Variants in RIPOR3 observed in about 807,000 individuals in gnomAD.
RIPOR3 encodes family with sequence similarity 65 member C.
A neutral mutation model predicts 114.3 loss-of-function variants in RIPOR3; 95 were observed. The observed-to-expected ratio is 0.83, with a 90% CI of 0.70 to 0.99. RIPOR3 has a LOEUF of 0.99. Ranked by LOEUF, RIPOR3 falls within the 50% of genes least tolerant of loss-of-function variation. The probability of loss-of-function intolerance (pLI) is 0.00; values close to 1 mark genes in which losing one functional copy is unlikely to be tolerated. For missense variants in RIPOR3, 1,252 were observed against 1,266.9 expected, an observed-to-expected ratio of 0.99 and a Z score of 0.18; for synonymous variants, 575 against 543.8, an observed-to-expected ratio of 1.06 and a Z score of -0.80.
chr20:50,590,377 C>T (rs1336965637), intron 19 of RIPOR3, among the ~76,000 whole-genome samples: 2 of 152,236 alleles, frequency 1.3e-5, no homozygotes, highest in Non-Finnish European at 2.9e-5. Context: ...TGGAGTCCAG[C>T]GTCTGCGGCT....
At chr20:50,657,898 C>A (rs2123440787) in intron 1 of RIPOR3, among the ~76,000 whole-genome samples, 1 of 151,858 alleles carries the variant, frequency 6.6e-6, no homozygotes, top group South Asian at 2.1e-4. Flanking sequence ...GCTAGGACTC[C>A]AGGTGCACCA....
At chr20:50,657,907 C>A (rs1258846841) in intron 1 of RIPOR3, among the ~76,000 whole-genome samples, 1 of 151,832 alleles carries the variant, frequency 6.6e-6, no homozygotes, top group Admixed American at 6.6e-5. Context: ...CCAGGTGCAC[C>A]ACCATGCCTG....
intron 1 of RIPOR3, among the ~76,000 whole-genome samples, chr20:50,638,794 C>G (rs2085089730): frequency 6.6e-6 from 1 of 152,124 alleles, no homozygotes; most frequent in Non-Finnish European, 1.5e-5. Flanking sequence ...ACCCTGGTCT[C>G]CAGCTGTAGG....
In RIPOR3 at chr20:50,640,678, G is replaced by T. The variant is rs138736388; in HGVS notation, c.4-9822C>A. 5.4e-3 allele frequency among the ~76,000 whole-genome samples: 815 copies of T among 151,424 alleles called. 3 individuals carry two copies. The highest frequency in any genetic ancestry group is 0.019 in the African/African-American group (764 of 40,996). ...CAGAGCAGCTTCCCTCTACAAAACG[G>T]TCAAAAAGGCAAAGAAAGACTTCCA... On this transcript the variant is annotated intron_variant, in intron 1 of 21. Transcript: ENST00000327979.
At chr20:50,679,784 G>T (rs1396315138) in intron 1 of RIPOR3, among the ~76,000 whole-genome samples, 1 of 131,342 alleles carries the variant, frequency 7.6e-6, no homozygotes, top group Non-Finnish European at 1.6e-5. Flanking sequence ...AAAAAAAACC[G>T]TCTCTACTAA....
intron 1 of RIPOR3, among the ~76,000 whole-genome samples, chr20:50,688,290 A>G (rs1296033871): frequency 6.6e-6 from 1 of 152,130 alleles, no homozygotes; most frequent in Non-Finnish European, 1.5e-5. Flanking sequence ...AGCTAGGACT[A>G]CAGGCACGCA....
chr20:50,666,181 C>CCTTTTCTTTTCTTTTCTTCTCTTTT (rs1600720832), intron 1 of RIPOR3, among the ~76,000 whole-genome samples: 1 of 14,926 alleles, frequency 6.7e-5, no homozygotes, highest in Admixed American at 1.3e-3. Context: ...GAAAGGACAC[C>CCTTTTCTTTTCTTTTCTTCTCTTTT]CATTTCTTTT....
intron 1 of RIPOR3, among the ~76,000 whole-genome samples, chr20:50,642,280 A>G (rs1038949503): frequency 6.6e-6 from 1 of 151,202 alleles, no homozygotes; most frequent in African/African-American, 2.4e-5. Flanking sequence ...GATAAATCCT[A>G]GATGACCATC....
At chr20:50,588,918 A>C (rs939053488) in intron 20 of RIPOR3, among the ~76,000 whole-genome samples, 6 of 151,598 alleles carry the variant, frequency 4.0e-5, no homozygotes, top group African/African-American at 1.5e-4. Context: ...CATCTCTACT[A>C]AAAATACAAA....
chr20:50,619,872 C>A, intron 3 of RIPOR3, 114 bp downstream of exon 3: 1 of 1,379,450 alleles, frequency 7.2e-7, no homozygotes. Context: ...TGACCAGGAA[C>A]TTAACCTGTC....
intron 1 of RIPOR3, among the ~76,000 whole-genome samples, chr20:50,663,822 C>T (rs1393452527): frequency 6.6e-6 from 1 of 152,166 alleles, no homozygotes; most frequent in Non-Finnish European, 1.5e-5. Context: ...GAAAACACCT[C>T]ACCTCTCTCA....
chr20:50,607,007 G>T (rs1006919488), intron 11 of RIPOR3, among the ~76,000 whole-genome samples: 1 of 152,198 alleles, frequency 6.6e-6, no homozygotes, highest in African/African-American at 2.4e-5. Context: ...TGGGATTATA[G>T]GTGTGAGCCA....
At chr20:50,638,650 G>T (rs1000470571) in intron 1 of RIPOR3, among the ~76,000 whole-genome samples, 21 of 152,142 alleles carry the variant, frequency 1.4e-4, no homozygotes, top group African/African-American at 4.1e-4. Flanking sequence ...GCTGGGGCCT[G>T]CCCAGGCTAG....
At chr20:50,592,626 C>G in intron 18 of RIPOR3, 80 bp from the exon 19 acceptor site, 7 of 1,247,794 alleles carry the variant, frequency 5.6e-6, no homozygotes, top group Non-Finnish European at 6.3e-6. Flanking sequence ...TTGGCTGCTG[C>G]CAGTAGCCAC....
intron 14 of RIPOR3, 65 bp from the exon 15 acceptor site, chr20:50,596,328 G>C (rs2083289858): frequency 8.1e-6 from 13 of 1,598,526 alleles, no homozygotes; most frequent in Non-Finnish European, 1.1e-5. Flanking sequence ...GAGGGTGGGG[G>C]AACCCTCCCT....
At chr20:50,612,454 A>G in intron 4 of RIPOR3, among the ~76,000 whole-genome samples, 1 of 152,112 alleles carries the variant, frequency 6.6e-6, no homozygotes. Flanking sequence ...ACTGGCTGTT[A>G]ATTTCCAGTG....
intron 1 of RIPOR3, among the ~76,000 whole-genome samples, chr20:50,650,328 A>G (rs1195275396): frequency 6.6e-6 from 1 of 151,940 alleles, no homozygotes; most frequent in African/African-American, 2.4e-5. Flanking sequence ...TTGAGATGGC[A>G]TCTCACACAG....
At chr20:50,620,973 T>A (rs942654518) in intron 2 of RIPOR3, 2 of 531,484 alleles carry the variant, frequency 3.8e-6, no homozygotes, top group African/African-American at 3.9e-5. Context: ...GCCCTCAAGT[T>A]CATCAAGGAA....
chr20:50,681,230 AAAAAAAAAAAAAG>A (rs1322045693), intron 1 of RIPOR3, among the ~76,000 whole-genome samples: 2 of 111,538 alleles, frequency 1.8e-5, no homozygotes, highest in South Asian at 3.7e-4. Context: ...GTCTCAAAAA[AAAAAAAAAAAAAG>A]AAAAGAAAAG....
Sources: allele counts gnomAD v4.1 joint callset (sites outside exome capture counted in the v4.1 genomes callset), GRCh38; gene constraint gnomAD v4.1.1; transcripts MANE v1.5; gene names NCBI Gene and HGNC (gene_info 2026-07-23, HGNC 2026-07-21).